ZNF316: variants seen among roughly 807,000 people sequenced by gnomAD.
ZNF316 encodes zinc finger protein 316.
Under a neutral mutation model 75.6 loss-of-function variants are expected in ZNF316, and 23 were observed. The observed-to-expected ratio is 0.30, with a 90% CI of 0.22 to 0.43. The LOEUF is 0.43. ZNF316 is among the 20% of genes least tolerant of loss of function. The pLI, the probability that ZNF316 is intolerant of heterozygous loss-of-function variation, is 1.00. For missense variants in ZNF316, 1,266 were observed against 1,409.4 expected, an observed-to-expected ratio of 0.90 and a Z score of 1.63; for synonymous variants, 827 against 666.2, an observed-to-expected ratio of 1.24 and a Z score of -3.72.
intron 8 of ZNF316, among the ~76,000 whole-genome samples, chr7:6,647,204 G>T (rs906918015): frequency 1.3e-5 from 2 of 152,106 alleles, no homozygotes; most frequent in African/African-American, 2.4e-5. Context: ...CCCTTCTGAG[G>T]TCACCTGCCC....
chr7:6,643,834 T>G lies in ZNF316; in HGVS notation c.478T>G (p.Phe160Val). The change falls in exon 7 of 9, where the codon TTT (phenylalanine) becomes GTT (valine). Residue 160 changes from phenylalanine (F) to valine (V), a missense_variant. Phe to Val is a conservative substitution (Grantham distance 50). This residue lies in a region of ZNF316 where 961 missense variants were observed against 990.9 expected (regional missense o/e 0.97). Transcript: ENST00000382252. ...LTAGCQELVT[F>V]EDVAVYFSLE... ...TCTGTTTCCCCAGGAGCTGGTGACG[T>G]TTGAAGATGTGGCTGTGTACTTCTC... 1 of 1,237,496 alleles carries G rather than the reference T, an allele frequency of 8.1e-7. No individual in the cohort carries two copies. The highest frequency in any genetic ancestry group is 1.0e-6 in the Non-Finnish European group (1 of 991,292). The allele number at this position is 1,237,496 out of a possible 1,614,324, so 76.7% of individuals were successfully genotyped here. A position where few individuals can be genotyped will look rare whatever the true frequency, so the allele number is the denominator to read the frequency against.
At chr7:6,651,452 C>A (rs957639911) in intron 8 of ZNF316, among the ~76,000 whole-genome samples, 1 of 152,064 alleles carries the variant, frequency 6.6e-6, no homozygotes, top group Non-Finnish European at 1.5e-5. Context: ...GTCAGGAGTT[C>A]GAGACCAGCC....
rs1384743606 is a variant in ZNF316 at position 6,654,503 on chromosome 7, T to G, written c.2907T>G (p.Gly969=). 1.7e-6 allele frequency: 2 copies of G among 1,177,564 alleles called. No homozygotes were observed. The highest frequency in any genetic ancestry group is 2.1e-6 in the Non-Finnish European group (2 of 953,308). 72.9% of individuals were successfully genotyped at this position (1,177,564 alleles called of 1,614,324 possible). A position where few individuals can be genotyped will look rare whatever the true frequency, so the allele number is the denominator to read the frequency against. Residue 969 remains glycine (G), a synonymous_variant, in exon 9 of 9, where the codon GGT becomes GGG. Coordinates refer to ENST00000382252, the MANE Select transcript of ZNF316 (RefSeq NM_001278559.2). The stretch of plus-strand genomic sequence containing the variant: ...AGGGGCCGTCCAGTGCCGGCCCCGG[T>G]GAGCGCGGCAGCGCCCTGCTGGAGT... The part of the protein sequence containing the change: ...AAKGPSSAGP[G]ERGSALLEFA...
chr7:6,647,235 G>C (rs954694466), intron 8 of ZNF316, among the ~76,000 whole-genome samples: 2 of 152,118 alleles, frequency 1.3e-5, no homozygotes, highest in African/African-American at 4.8e-5. Flanking sequence ...CAGGCCCAGT[G>C]CCTGTCCTCA....
chr7:6,638,992 C>T (rs1779267989), intron 2 of ZNF316, 50 bp from the exon 3 acceptor site: 1 of 152,344 alleles, frequency 6.6e-6, no homozygotes, highest in African/African-American at 2.4e-5. Flanking sequence ...CCATTATGTT[C>T]TGAATCTTGG....
intron 6 of ZNF316, among the ~76,000 whole-genome samples, chr7:6,643,355 C>T (rs938636287): frequency 2.0e-5 from 3 of 152,220 alleles, no homozygotes; most frequent in African/African-American, 7.2e-5. Flanking sequence ...GCCTGGCTCT[C>T]CCCCAAGGCT....
In ZNF316 at chr7:6,654,067, C is replaced by T. The variant is rs879151331; in HGVS notation, c.2471C>T (p.Ala824Val). The T allele has an allele frequency of 4.1e-6, 5 of 1,210,682 alleles. No homozygotes were observed. The highest frequency in any genetic ancestry group is 1.6e-5 in the African/African-American group (1 of 63,076). 75.0% of individuals were successfully genotyped at this position (1,210,682 alleles called of 1,614,324 possible). A position where few individuals can be genotyped will look rare whatever the true frequency, so the allele number is the denominator to read the frequency against. The change falls in exon 9 of 9, where the codon GCG becomes GTG. Residue 824 changes from alanine to valine, a missense_variant. Coordinates refer to ENST00000382252, the MANE Select transcript of ZNF316 (RefSeq NM_001278559.2). Reference protein sequence around the residue: ...QSAALTRHQWAHAEEKPHRCP... With the variant: ...QSAALTRHQWVHAEEKPHRCP... ...GCGGCGCTGACGCGGCATCAGTGGG[C>T]GCACGCCGAGGAGAAGCCGCACCGC...
Position 6,653,931 on chromosome 7 carries a change from G to A in ZNF316, c.2335G>A (p.Val779Met). Reference sequence around the variant, plus strand: ...GGGCGAGAAGCCGTTCGTGTGCGGCGTGTGCGGTGCGGGGTTCAGCCGTCG... The same window carrying A: ...GGGCGAGAAGCCGTTCGTGTGCGGCATGTGCGGTGCGGGGTTCAGCCGTCG... The part of the protein sequence containing the change: ...HTGEKPFVCG[V>M]CGAGFSRRAH... Residue 779 changes from valine to methionine, a missense_variant, in exon 9 of 9, where the codon GTG becomes ATG. Physicochemically the swap from Val to Met is conservative, Grantham distance 21. Transcript: ENST00000382252. 1.7e-6 allele frequency: 2 copies of A among 1,145,774 alleles called. No homozygotes were observed. The highest frequency in any genetic ancestry group is 2.1e-6 in the Non-Finnish European group (2 of 933,390). 71.0% of individuals were successfully genotyped at this position (1,145,774 alleles called of 1,614,324 possible).
chr7:6,641,749 G>T (rs1399266158), intron 3 of ZNF316, 76 bp from the exon 4 acceptor site: 3 of 152,306 alleles, frequency 2.0e-5, no homozygotes, highest in East Asian at 1.9e-4. Context: ...CATGCACTGC[G>T]CTTTTCACAG....
intron 8 of ZNF316, 78 bp downstream of exon 8, chr7:6,644,671 C>G (rs2115310799): frequency 1.4e-6 from 1 of 727,586 alleles, no homozygotes; most frequent in Non-Finnish European, 1.9e-6. Context: ...TCACTGCGCT[C>G]TCTGCAGACC....
In ZNF316 at chr7:6,653,312, C is replaced by T; in HGVS notation, c.1716C>T (p.Pro572=). ...CCACCCCCAGCGGCAAGGTGGACCC[C>T]GCGCCGGAACGGCGCTTCCTGGAGC... ...AAPTPSGKVD[P]APERRFLELG... The change falls in exon 9 of 9, where the codon CCC becomes CCT. Residue 572 remains proline, a synonymous_variant. Coordinates refer to ENST00000382252, the MANE Select transcript of ZNF316 (RefSeq NM_001278559.2). 8.2e-7 allele frequency: 1 copy of T among 1,226,802 alleles called. No homozygotes were observed. The highest frequency in any genetic ancestry group is 1.0e-6 in the Non-Finnish European group (1 of 985,354). The allele number at this position is 1,226,802 out of a possible 1,614,324, so 76.0% of individuals were successfully genotyped here.
chr7:6,653,124 G>A lies in ZNF316; in HGVS notation c.1528G>A (p.Ala510Thr). The change falls in exon 9 of 9, where the codon GCG becomes ACG. Residue 510 changes from alanine (A) to threonine (T), a missense_variant. Transcript: ENST00000382252. ...FQRHRRGGGC[A>T]EAGGDGPRRE... ...GCGCCACCGACGCGGCGGGGGCTGC[G>A]CGGAGGCGGGTGGTGACGGCCCCCG... 1 of 1,166,558 alleles carries A rather than the reference G, an allele frequency of 8.6e-7. No individual in the cohort carries two copies. The highest frequency in any genetic ancestry group is 1.1e-6 in the Non-Finnish European group (1 of 946,810). The allele number at this position is 1,166,558 out of a possible 1,614,324, so 72.3% of individuals were successfully genotyped here. A position where few individuals can be genotyped will look rare whatever the true frequency, so the allele number is the denominator to read the frequency against.
rs908011082 is a variant in ZNF316 at position 6,639,051 on chromosome 7, C to G, written c.-257C>G. 6.6e-6 allele frequency: 1 copy of G among 152,256 alleles called. No homozygotes were observed. Among genetic ancestry groups the G allele is most frequent in the African/African-American group, 2.4e-5 (1 of 41,434 alleles). The allele number at this position is 152,256 out of a possible 1,614,324, so 9.4% of individuals were successfully genotyped here. A position where few individuals can be genotyped will look rare whatever the true frequency, so the allele number is the denominator to read the frequency against. Reference sequence around the variant, plus strand: ...CTTCTGACCTCTGTAGGAGCTGGTCCTCCACCTTCTCTGGTCATCCGTGGG... The same window carrying G: ...CTTCTGACCTCTGTAGGAGCTGGTCGTCCACCTTCTCTGGTCATCCGTGGG... On this transcript the variant is annotated 5_prime_UTR_variant, in exon 3 of 9. Coordinates refer to ENST00000382252, the MANE Select transcript of ZNF316 (RefSeq NM_001278559.2). This position sits in a 1 kb window ranked among gnomAD's most constrained non-coding sequence, Gnocchi z 4.2.
Position 6,650,024 on chromosome 7 carries a change from C to T in ZNF316, c.707-2279C>T, listed in dbSNP as rs1007024921. 2.4e-4 allele frequency among the ~76,000 whole-genome samples: 36 copies of T among 152,216 alleles called. 1 individual carries two copies. The highest frequency in any genetic ancestry group is 2.2e-4 in the Non-Finnish European group (15 of 68,026). On this transcript the variant is annotated intron_variant, in intron 8 of 8. Coordinates refer to ENST00000382252, the MANE Select transcript of ZNF316 (RefSeq NM_001278559.2). ...TGAGGCTTATTATCCAGTAAATGCT[C>T]GCTGAGTCTTGGCTGTTTCCTGAGG...
Position 6,654,602 on chromosome 7 carries a change from C to A in ZNF316, c.3006C>A (p.Gly1002=), listed in dbSNP as rs1314948147. 8.4e-6 allele frequency: 10 copies of A among 1,185,726 alleles called. No individual in the cohort carries two copies. The highest frequency in any genetic ancestry group is 9.4e-6 in the Non-Finnish European group (9 of 958,370). The allele number at this position is 1,185,726 out of a possible 1,614,324, so 73.5% of individuals were successfully genotyped here. A position where few individuals can be genotyped will look rare whatever the true frequency, so the allele number is the denominator to read the frequency against. The change falls in exon 9 of 9, where the codon GGC becomes GGA. Residue 1002 remains glycine, a synonymous_variant. Coordinates refer to ENST00000382252, the MANE Select transcript of ZNF316 (RefSeq NM_001278559.2). ...GGCCCTCGGGCGCCTACCGGGAGGG[C>A]GTCCTGTGAGGGGCCCGGGGCCGAC... is the stretch of plus-strand genomic sequence containing the variant. ...FAGPSGAYRE[G]VL
intron 7 of ZNF316, 64 bp downstream of exon 7, chr7:6,644,012 G>A: frequency 8.1e-7 from 1 of 1,228,244 alleles, no homozygotes; most frequent in Middle Eastern, 3.1e-4. Context: ...GGTCTTAGCT[G>A]TCTGACGGGG....
At position 6,654,845 on chromosome 7, in the gene ZNF316, C is replaced by T. The variant is rs762719371; in HGVS notation, c.*234C>T. 3.4e-5 allele frequency: 10 copies of T among 294,608 alleles called. No individual in the cohort carries two copies. Among genetic ancestry groups the T allele is most frequent in the Non-Finnish European group, 3.7e-5 (6 of 164,256 alleles). 18.2% of individuals were successfully genotyped at this position (294,608 alleles called of 1,614,324 possible). A position where few individuals can be genotyped will look rare whatever the true frequency, so the allele number is the denominator to read the frequency against. On this transcript the variant is annotated 3_prime_UTR_variant, in exon 9 of 9. Transcript: ENST00000382252. Reference sequence around the variant, plus strand: ...CAGCGCGGAGGCAGCGAGGCCAGGACGTCACCCCCACGGAGACTGCGATAT... The same window carrying T: ...CAGCGCGGAGGCAGCGAGGCCAGGATGTCACCCCCACGGAGACTGCGATAT...
chr7:6,644,687 C>CCTGGTGCCT, intron 8 of ZNF316, 94 bp downstream of exon 8: 1 of 624,546 alleles, frequency 1.6e-6, no homozygotes. Flanking sequence ...AGACCTGGTA[C>CCTGGTGCCT]CTGGTGCCTC....
chr7:6,654,085 C>T lies in ZNF316; in HGVS notation c.2489C>T (p.Pro830Leu). Residue 830 changes from proline to leucine, a missense_variant, in exon 9 of 9, where the codon CCG (proline) becomes CTG (leucine). Physicochemically the swap from Pro to Leu is moderately conservative, Grantham distance 98 (BLOSUM62 -3). Around this residue, in one of 3 missense-constraint regions of ZNF316, gnomAD observed 194 missense variants for 319.2 expected, o/e 0.61. Coordinates refer to ENST00000382252, the MANE Select transcript of ZNF316 (RefSeq NM_001278559.2). ...RHQWAHAEEK[P>L]HRCPDCGKGF... ...CAGTGGGCGCACGCCGAGGAGAAGC[C>T]GCACCGCTGCCCCGACTGCGGCAAG... 1.6e-6 allele frequency: 2 copies of T among 1,215,368 alleles called. No individual in the cohort carries two copies. The highest frequency in any genetic ancestry group is 2.0e-6 in the Non-Finnish European group (2 of 976,974). 75.3% of individuals were successfully genotyped at this position (1,215,368 alleles called of 1,614,324 possible).
Sources: allele counts gnomAD v4.1 joint callset (sites outside exome capture counted in the v4.1 genomes callset), GRCh38; gene constraint gnomAD v4.1.1; regional missense constraint gnomAD v4.1.1; non-coding constraint Gnocchi (gnomAD v3.1); transcripts MANE v1.5; gene names NCBI Gene and HGNC (gene_info 2026-07-23, HGNC 2026-07-21).